Variants in STAG2 observed in about 807,000 individuals in gnomAD.
STAG2 encodes the protein STAG2 cohesin complex component, also known as cohesin subunit SA-2.
A neutral mutation model predicts 108.1 loss-of-function variants in STAG2; 14 were observed. The ratio of observed to expected loss-of-function variants is 0.13; its 90% CI spans 0.09 to 0.20. The LOEUF (loss-of-function observed/expected upper bound fraction) is 0.20, where lower values mean the gene tolerates loss of function less well. STAG2 is among the 10% of genes least tolerant of loss of function. The pLI is 1.00. For missense variants in STAG2, 440 were observed against 940.9 expected (o/e 0.47, Z 6.96); for synonymous variants, 307 against 302.7 (o/e 1.01, Z -0.15).
chrX:124,093,289 G>T, intron 32 of STAG2, among the ~76,000 whole-genome samples: 1 of 111,174 alleles, frequency 9.0e-6, no homozygotes, highest in Non-Finnish European at 1.9e-5. Flanking sequence ...GTTTCAGCAT[G>T]AGTGTTCCTC....
intron 6 of STAG2, among the ~76,000 whole-genome samples, chrX:124,041,365 C>G (rs1431278306): frequency 9.1e-6 from 1 of 109,695 alleles, no homozygotes; most frequent in East Asian, 2.8e-4. Flanking sequence ...TAGCCTAAGC[C>G]TTAGTTTCCT....
At chrX:124,040,471 T>A (rs776256477) in intron 6 of STAG2, among the ~76,000 whole-genome samples, 4 of 110,791 alleles carry the variant, frequency 3.6e-5, no homozygotes, top group Admixed American at 9.8e-5. Context: ...TCTGGCCTTA[T>A]GTCCTAATGG....
At chrX:124,094,310 T>G (rs1458532356) in intron 33 of STAG2, among the ~76,000 whole-genome samples, 166 bp downstream of exon 33, 2 of 110,961 alleles carry the variant, frequency 1.8e-5, no homozygotes, top group Non-Finnish European at 3.8e-5. Context: ...TAGAAGAGAG[T>G]AAGGTTGGTG....
At chrX:124,022,385 AAG>A in intron 2 of STAG2, 144 bp from the exon 3 acceptor site, 1 of 277,666 alleles carries the variant, frequency 3.6e-6, no homozygotes. Context: ...AAAAAAAAAA[AAG>A]AAAGCAGTCA....
At chrX:124,081,777 A>C (rs1268260388) in intron 28 of STAG2, among the ~76,000 whole-genome samples, 3 of 111,888 alleles carry the variant, frequency 2.7e-5, no homozygotes, top group Non-Finnish European at 5.6e-5. Context: ...AGGCAGGAGG[A>C]TCACTTGAGG....
chrX:123,996,750 G>A (rs1000505839), intron 1 of STAG2, among the ~76,000 whole-genome samples: 2 of 111,973 alleles, frequency 1.8e-5, no homozygotes, highest in African/African-American at 6.5e-5. Flanking sequence ...TTACTGAGTA[G>A]TATTCCATTG....
intron 34 of STAG2, among the ~76,000 whole-genome samples, chrX:124,097,058 G>A (rs1427368983): frequency 1.8e-5 from 2 of 108,561 alleles, no homozygotes; most frequent in Non-Finnish European, 3.8e-5. Context: ...GCATACCTGC[G>A]GTCCCAGCTA....
intron 1 of STAG2, among the ~76,000 whole-genome samples, chrX:123,985,170 G>A (rs1335560803): frequency 9.0e-6 from 1 of 110,794 alleles, no homozygotes; most frequent in African/African-American, 3.3e-5. Flanking sequence ...ATTTAACTAT[G>A]TCTGAACTCA....
At chrX:124,000,255 C>T (rs2055967623) in intron 1 of STAG2, among the ~76,000 whole-genome samples, 1 of 111,384 alleles carries the variant, frequency 9.0e-6, no homozygotes, top group South Asian at 3.8e-4. Flanking sequence ...ATTAACCTGC[C>T]CTGCCAGTTG....
chrX:124,060,313 A>G (rs955848970), intron 15 of STAG2, among the ~76,000 whole-genome samples: 4 of 111,204 alleles, frequency 3.6e-5, no homozygotes, highest in African/African-American at 1.3e-4. Context: ...TTTGCTAAAG[A>G]CAGGGTTTTG....
chrX:123,960,602 C>CAAAAAAAAAAAAAAAAAAAAA, upstream of STAG2: 2 of 7,013 alleles, frequency 2.9e-4, 1 homozygote, highest in Non-Finnish European at 4.8e-4. Context: ...GAAGCGCCAC[C>CAAAAAAAAAAAAAAAAAAAAA]AAAAAAAAAA....
At chrX:124,023,910 G>A (rs1285101402) in intron 3 of STAG2, among the ~76,000 whole-genome samples, 3 of 111,551 alleles carry the variant, frequency 2.7e-5, no homozygotes, top group Non-Finnish European at 5.6e-5. Context: ...AAGAGGAATG[G>A]AAGATTCAGT....
chrX:124,033,071 C>CCATT (rs2057396797), intron 5 of STAG2, among the ~76,000 whole-genome samples: 1 of 112,336 alleles, frequency 8.9e-6, no homozygotes, highest in South Asian at 3.7e-4. Flanking sequence ...TTTATTCATA[C>CCATT]CATTCTAATG....
chrX:123,990,764 G>C (rs988901401), intron 1 of STAG2, among the ~76,000 whole-genome samples: 1 of 111,892 alleles, frequency 8.9e-6, no homozygotes, highest in Admixed American at 9.5e-5. Flanking sequence ...TTGAGGTTCA[G>C]TAGTTTATCA....
chrX:124,071,326 A>C lies in STAG2; in HGVS notation c.2533+3A>C, dbSNP rs768276199. On this transcript the variant is annotated splice_donor_region_variant and intron_variant, in intron 25 of 34. Transcript: ENST00000371145. ...GGATGATGATAATAATAGTGCAGGT[A>C]ATTTTATTGCCATCTTTTTATTAAA... is the stretch of plus-strand genomic sequence containing the variant. 8.7e-7 allele frequency: 1 copy of C among 1,154,036 alleles called. No individual in the cohort carries two copies.
At chrX:124,079,328 A>G (rs1348121342) in intron 27 of STAG2, among the ~76,000 whole-genome samples, 1 of 110,006 alleles carries the variant, frequency 9.1e-6, no homozygotes. Context: ...TTTAGTAGAG[A>G]CGGGGTTTCA....
chrX:124,081,337 C>T (rs776798406), intron 27 of STAG2, 43 bp from the exon 28 acceptor site: 33 of 916,047 alleles, frequency 3.6e-5, no homozygotes, highest in Non-Finnish European at 1.5e-5. Context: ...TGTTAATCTC[C>T]AGGTATTAAG....
At chrX:124,078,523 T>G (rs2058858681) in intron 27 of STAG2, among the ~76,000 whole-genome samples, 1 of 111,813 alleles carries the variant, frequency 8.9e-6, no homozygotes, top group Admixed American at 9.5e-5. Flanking sequence ...TTAGTGTAGA[T>G]CTATATTCAT....
intron 1 of STAG2, among the ~76,000 whole-genome samples, chrX:123,992,148 A>C (rs149541172): frequency 9.9e-5 from 11 of 111,585 alleles, no homozygotes; most frequent in African/African-American, 3.6e-4. Context: ...CCCCATGGAT[A>C]CTGAGGGATG....
Sources: gnomAD v4.1 joint callset for allele counts (sites outside exome capture counted in the v4.1 genomes callset) on GRCh38, gnomAD v4.1.1 for gene constraint, MANE v1.5 for transcripts, NCBI Gene and HGNC (gene_info 2026-07-23, HGNC 2026-07-21) for gene names.